The following CSMD1 variants were observed in gnomAD, a reference collection of about 807,000 sequenced individuals.
The protein encoded by CSMD1 is CUB and Sushi multiple domains 1, also known as CUB and sushi domain-containing protein 1.
A neutral mutation model predicts 417.5 loss-of-function variants in CSMD1; 213 were observed. The observed-to-expected ratio is 0.51, with a 90% confidence interval of 0.46 to 0.57. CSMD1 has a LOEUF of 0.57. Ranked by LOEUF, CSMD1 falls within the 20% of genes least tolerant of loss-of-function variation. The pLI is 0.00. For missense variants in CSMD1, 6,923 were observed against 4,529.7 expected (o/e 1.53, Z -15.17); for synonymous variants, 2,862 against 1,736.8 (o/e 1.65, Z -16.11).
chr8:4,148,138 G>A (rs1430212490), intron 3 of CSMD1, among the ~76,000 whole-genome samples: 3 of 152,130 alleles, frequency 2.0e-5, no homozygotes, highest in South Asian at 2.1e-4. Flanking sequence ...TCTGGGTGAA[G>A]CTCAACTTAG....
intron 60 of CSMD1, among the ~76,000 whole-genome samples, 178 bp downstream of exon 60, chr8:2,963,044 T>C (rs1803638555): frequency 6.6e-6 from 1 of 152,178 alleles, no homozygotes; most frequent in East Asian, 1.9e-4. Flanking sequence ...TGAGGACCTG[T>C]CTCAAAAAGG....
chr8:3,319,905 A>C (rs1043434413), intron 23 of CSMD1, among the ~76,000 whole-genome samples: 1 of 151,902 alleles, frequency 6.6e-6, no homozygotes, highest in African/African-American at 2.4e-5. Flanking sequence ...TGACTCATTA[A>C]AAAAACTTTT....
At chr8:4,260,289 T>C (rs1401480) in intron 3 of CSMD1, among the ~76,000 whole-genome samples, 2,956 of 152,312 alleles carry the variant, frequency 0.019, 43 homozygotes, top group Non-Finnish European at 0.024. Flanking sequence ...TATTTGTTCA[T>C]TGAACATCAA....
At chr8:3,940,855 A>T (rs756610794) in intron 5 of CSMD1, among the ~76,000 whole-genome samples, 1 of 147,838 alleles carries the variant, frequency 6.8e-6, no homozygotes, top group Non-Finnish European at 1.5e-5. Context: ...ATTAAAAACT[A>T]ATCATACGCT....
At chr8:3,177,124 G>C (rs10089056) in intron 37 of CSMD1, among the ~76,000 whole-genome samples, 76,477 of 151,940 alleles carry the variant, frequency 0.5, 20,085 homozygotes, top group African/African-American at 0.65. Context: ...AGAGACGAGA[G>C]CCGCATGCTA....
chr8:4,698,088 T>C (rs1296357179), intron 1 of CSMD1, among the ~76,000 whole-genome samples: 1 of 151,108 alleles, frequency 6.6e-6, no homozygotes, highest in Non-Finnish European at 1.5e-5. Context: ...ACATGTCAAA[T>C]ATAAATGAAT....
chr8:3,156,410 G>A (rs1304800500), intron 39 of CSMD1, among the ~76,000 whole-genome samples: 1 of 152,194 alleles, frequency 6.6e-6, no homozygotes, highest in African/African-American at 2.4e-5. Flanking sequence ...ATGTGCTGAA[G>A]ATACAGAGGT....
chr8:4,378,164 T>C (rs987528261), intron 3 of CSMD1, among the ~76,000 whole-genome samples: 2 of 152,236 alleles, frequency 1.3e-5, no homozygotes, highest in African/African-American at 4.8e-5. Flanking sequence ...TATTCACTTA[T>C]ACTCTAGATA....
intron 1 of CSMD1, among the ~76,000 whole-genome samples, chr8:4,949,841 T>G (rs6986049): frequency 0.53 from 80,875 of 151,928 alleles, 21,636 homozygotes; most frequent in Admixed American, 0.57. Context: ...GATATATATA[T>G]AGAGAGAATA....
chr8:4,004,146 T>A (rs1432742337), intron 4 of CSMD1, among the ~76,000 whole-genome samples: 1 of 152,064 alleles, frequency 6.6e-6, no homozygotes, highest in Admixed American at 6.6e-5. Context: ...CTATAAAGAC[T>A]AAGAAATATA....
At position 3,869,921 on chromosome 8, in the gene CSMD1, T is replaced by C. The variant is rs563053123; in HGVS notation, c.819-115879A>G. ...GGGCTTAAAGGAAAAACTAGCCCTT[T>C]CCTTAAGCAAAAGAGAGTGAGCTAG... On this transcript the variant is annotated intron_variant, in intron 5 of 69. Coordinates refer to ENST00000635120, the MANE Select transcript of CSMD1 (RefSeq NM_033225.6). Among the ~76,000 whole-genome samples, 19 of 151,960 alleles carry C rather than the reference T, an allele frequency of 1.3e-4. No homozygotes were observed. The East Asian group carries it at 3.7e-3, about 29-fold the overall frequency.
Position 4,375,072 on chromosome 8 carries a change from G to C in CSMD1, c.415+44881C>G, listed in dbSNP as rs1039035763. On this transcript the variant is annotated intron_variant, in intron 3 of 69. Coordinates refer to ENST00000635120, the MANE Select transcript of CSMD1 (RefSeq NM_033225.6). ...AGGCTGTTATAGGTAGAAAAGGAGT[G>C]ATGAATATTTCCAGGCATGTTCATT... Among the ~76,000 whole-genome samples, 18 of 151,952 alleles carry C rather than the reference G, an allele frequency of 1.2e-4. 1 individual carries two copies. The highest frequency in any genetic ancestry group is 8.5e-4 in the Admixed American group (13 of 15,250).
At chr8:4,643,241 C>A (rs553818922) in intron 1 of CSMD1, among the ~76,000 whole-genome samples, 1 of 152,286 alleles carries the variant, frequency 6.6e-6, no homozygotes, top group East Asian at 1.9e-4. Context: ...GAAAAATAAA[C>A]CTTACATATT....
At chr8:4,534,296 C>A (rs1459382093) in intron 2 of CSMD1, among the ~76,000 whole-genome samples, 1 of 152,210 alleles carries the variant, frequency 6.6e-6, no homozygotes, top group African/African-American at 2.4e-5. Flanking sequence ...GCCAGCCCGA[C>A]TCATATGGCT....
chr8:3,933,992 T>A (rs915042981), intron 5 of CSMD1, among the ~76,000 whole-genome samples: 3 of 152,122 alleles, frequency 2.0e-5, no homozygotes, highest in South Asian at 4.2e-4. Context: ...GGCAAACCCA[T>A]GGCAAATATT....
chr8:4,412,537 C>T (rs761086385), intron 3 of CSMD1, among the ~76,000 whole-genome samples: 4 of 152,078 alleles, frequency 2.6e-5, no homozygotes, highest in Admixed American at 6.5e-5. Context: ...GGAAAATTAC[C>T]CAGTCTCCGG....
intron 5 of CSMD1, among the ~76,000 whole-genome samples, chr8:3,855,444 C>G (rs896927627): frequency 9.9e-5 from 15 of 152,066 alleles, no homozygotes; most frequent in African/African-American, 3.6e-4. Context: ...GTTTAAATAT[C>G]AGAAATTCTA....
chr8:3,023,940 G>C (rs575714612), intron 51 of CSMD1, among the ~76,000 whole-genome samples: 1 of 151,790 alleles, frequency 6.6e-6, no homozygotes. Context: ...CGTTGGTCCT[G>C]ATCCAACAGA....
intron 30 of CSMD1, among the ~76,000 whole-genome samples, chr8:3,213,423 G>C (rs1175612145): frequency 1.3e-5 from 2 of 152,084 alleles, no homozygotes; most frequent in African/African-American, 4.8e-5. Flanking sequence ...GTGAAGATAT[G>C]CACCCTGGCC....
Sources: allele counts gnomAD v4.1 joint callset (sites outside exome capture counted in the v4.1 genomes callset), GRCh38; gene constraint gnomAD v4.1.1; transcripts MANE v1.5; gene names NCBI Gene and HGNC (gene_info 2026-07-23, HGNC 2026-07-21).